Variants in PPP2R2B observed in about 807,000 individuals in gnomAD.
The protein encoded by PPP2R2B is serine/threonine-protein phosphatase 2A 55 kDa regulatory subunit B beta isoform.
PPP2R2B carries 5 observed loss-of-function variants against 46.0 expected under a neutral mutation model. The observed-to-expected ratio is 0.11, with a 90% confidence interval of 0.06 to 0.23. PPP2R2B has a LOEUF of 0.23. Among genes scored for constraint, PPP2R2B ranks in the 10% least tolerant of loss-of-function variants. The pLI, the probability that PPP2R2B is intolerant of heterozygous loss-of-function variation, is 1.00. For missense variants in PPP2R2B, 367 were observed against 575.0 expected (o/e 0.64, Z 3.70); for synonymous variants, 215 against 206.7 (o/e 1.04, Z -0.34).
At chr5:146,857,566 C>A (rs1418535547) in intron 2 of PPP2R2B, among the ~76,000 whole-genome samples, 3 of 152,156 alleles carry the variant, frequency 2.0e-5, no homozygotes, top group African/African-American at 7.2e-5. Flanking sequence ...AAATCACCAC[C>A]AGCCAGTACT....
intron 7 of PPP2R2B, among the ~76,000 whole-genome samples, chr5:146,628,821 C>G (rs1471392938): frequency 2.6e-5 from 4 of 152,200 alleles, no homozygotes; most frequent in Non-Finnish European, 5.9e-5. Context: ...ATGATCACTT[C>G]ACCCCTCTCA....
intron 1 of PPP2R2B, among the ~76,000 whole-genome samples, chr5:146,904,221 A>T (rs1256891386): frequency 6.6e-6 from 1 of 152,220 alleles, no homozygotes; most frequent in Non-Finnish European, 1.5e-5. Context: ...AAGGAGAAAA[A>T]AATTTTTGAA....
At chr5:146,876,158 AT>A (rs1263808386) in intron 2 of PPP2R2B, among the ~76,000 whole-genome samples, 5 of 152,180 alleles carry the variant, frequency 3.3e-5, no homozygotes, top group Admixed American at 2.6e-4. Context: ...CAGAAATCTC[AT>A]TGCTATAAAC....
chr5:146,589,045 A>G lies in PPP2R2B; in HGVS notation c.*902T>C, dbSNP rs1770328178. The G allele has an allele frequency of 6.6e-6, 1 of 152,242 alleles. No individual in the cohort carries two copies. The highest frequency in any genetic ancestry group is 6.5e-5 in the Admixed American group (1 of 15,280). The allele number at this position is 152,242 out of a possible 1,614,324, so 9.4% of individuals were successfully genotyped here. A position where few individuals can be genotyped will look rare whatever the true frequency, so the allele number is the denominator to read the frequency against. On this transcript the variant is annotated 3_prime_UTR_variant, in exon 10 of 10. Coordinates refer to ENST00000394411, the MANE Select transcript of PPP2R2B (RefSeq NM_181675.4). ...CTTACTGCTTCATTTAGAACACCAG[A>G]TAATAAGCACCCAGGACTCGGCCTT...
chr5:147,061,637 C>G (rs1449535168), intron 2 of PPP2R2B, among the ~76,000 whole-genome samples: 1 of 152,094 alleles, frequency 6.6e-6, no homozygotes, highest in African/African-American at 2.4e-5. Context: ...GATGATTCAG[C>G]CAGCTCTCTT....
chr5:146,795,243 T>A (rs1756451959), intron 2 of PPP2R2B, among the ~76,000 whole-genome samples: 1 of 152,114 alleles, frequency 6.6e-6, no homozygotes, highest in African/African-American at 2.4e-5. Context: ...TAAACTTCCA[T>A]ATTAATTGCA....
intron 2 of PPP2R2B, among the ~76,000 whole-genome samples, chr5:146,875,373 G>A (rs1396916629): frequency 1.3e-5 from 2 of 152,134 alleles, no homozygotes; most frequent in African/African-American, 2.4e-5. Context: ...TGCACACCAT[G>A]CATTCTTTTG....
At chr5:146,972,705 C>T (rs1338169501) in intron 1 of PPP2R2B, among the ~76,000 whole-genome samples, 2 of 151,954 alleles carry the variant, frequency 1.3e-5, no homozygotes, top group Non-Finnish European at 2.9e-5. Flanking sequence ...GAGTAAGACT[C>T]CATCTCAAAA....
chr5:146,876,032 C>G (rs1761879157), intron 2 of PPP2R2B, among the ~76,000 whole-genome samples: 1 of 152,098 alleles, frequency 6.6e-6, no homozygotes, highest in South Asian at 2.1e-4. Context: ...TCTCTAAGAT[C>G]AGATTTTAAA....
chr5:146,751,213 A>G (rs1419185595), intron 2 of PPP2R2B: 1 of 152,274 alleles, frequency 6.6e-6, no homozygotes, highest in African/African-American at 2.4e-5. Context: ...TATTTAATCC[A>G]TTGCCTCCAG....
At chr5:147,024,153 C>CTCTA (rs57080635) in intron 1 of PPP2R2B, among the ~76,000 whole-genome samples, 52,505 of 145,402 alleles carry the variant, frequency 0.36, 9,488 homozygotes, top group Middle Eastern at 0.42. Context: ...AAATCCCCTC[C>CTCTA]TCTATCTATC....
Position 146,690,227 on chromosome 5 carries a change from C to T in PPP2R2B, c.447+901G>A, listed in dbSNP as rs111718161. ...ATCCCAACATGTGCCTGCTTTACTG[C>T]TCACATTGAACATGTTCATAACTGA... On this transcript the variant is annotated intron_variant, in intron 5 of 9. Transcript: ENST00000394411. Among the ~76,000 whole-genome samples the T allele has an allele frequency of 6.2e-3, 942 of 152,302 alleles. 14 individuals carry two copies. Among genetic ancestry groups the T allele is most frequent in the African/African-American group, 0.021 (879 of 41,560 alleles).
chr5:146,925,372 T>C lies in PPP2R2B; in HGVS notation c.79+130293A>G, dbSNP rs1410547876. Among the ~76,000 whole-genome samples, 8 of 152,310 alleles carry C rather than the reference T, an allele frequency of 5.3e-5. No individual in the cohort carries two copies. In the East Asian group the frequency reaches 1.5e-3, roughly 29 times the overall value. On this transcript the variant is annotated intron_variant, in intron 1 of 8. Transcript: ENST00000336640. ...AGTCTCTGTTTATCCAAAAATGTCC[T>C]TATTTTGCCCTCATTTTTGAAGGAT...
chr5:146,779,433 T>A (rs1014191620), intron 2 of PPP2R2B, among the ~76,000 whole-genome samples: 2 of 152,102 alleles, frequency 1.3e-5, no homozygotes, highest in Admixed American at 6.6e-5. Flanking sequence ...AGCCTTGACA[T>A]CCCACACTGC....
chr5:147,052,892 A>T (rs771118830), intron 1 of PPP2R2B, among the ~76,000 whole-genome samples: 4 of 152,088 alleles, frequency 2.6e-5, no homozygotes, highest in Admixed American at 6.6e-5. Context: ...GAGGGCTCAG[A>T]GTGAGGGAGG....
intron 2 of PPP2R2B, among the ~76,000 whole-genome samples, chr5:146,761,221 T>A (rs1754144549): frequency 6.6e-6 from 1 of 152,204 alleles, no homozygotes; most frequent in Non-Finnish European, 1.5e-5. Flanking sequence ...ACATGTATGT[T>A]TATTGCGGCA....
chr5:147,035,309 T>A, intron 1 of PPP2R2B: 1 of 349,550 alleles, frequency 2.9e-6, no homozygotes. Flanking sequence ...AACCATTAGA[T>A]CTCATGAGAA....
At chr5:147,040,281 G>A (rs952898066) in intron 1 of PPP2R2B, among the ~76,000 whole-genome samples, 3 of 152,120 alleles carry the variant, frequency 2.0e-5, no homozygotes, top group African/African-American at 7.2e-5. Flanking sequence ...TAGCATATCT[G>A]AGGATCAACA....
chr5:147,017,115 A>G (rs1275567224), intron 1 of PPP2R2B, among the ~76,000 whole-genome samples: 1 of 151,622 alleles, frequency 6.6e-6, no homozygotes, highest in Non-Finnish European at 1.5e-5. Context: ...AGGGCTATTG[A>G]AAAACTCCAA....
Sources: gnomAD v4.1 joint callset for allele counts (sites outside exome capture counted in the v4.1 genomes callset) on GRCh38, gnomAD v4.1.1 for gene constraint, MANE v1.5 for transcripts, NCBI Gene and HGNC (gene_info 2026-07-23, HGNC 2026-07-21) for gene names.